Variants in DIAPH3 observed in about 807,000 individuals in gnomAD.
The protein encoded by DIAPH3 is diaphanous related formin 3, also known as protein diaphanous homolog 3.
Under a neutral mutation model 144.3 loss-of-function variants are expected in DIAPH3, and 117 were observed. The ratio of observed to expected loss-of-function variants is 0.81; its 90% CI spans 0.70 to 0.95. DIAPH3 has a LOEUF of 0.95. Ranked by LOEUF, DIAPH3 falls within the 40% of genes least tolerant of loss-of-function variation. The pLI, the probability that DIAPH3 is intolerant of heterozygous loss-of-function variation, is 0.00. For synonymous variants in DIAPH3, 519 were observed against 488.9 expected (o/e 1.06, Z -0.81); for missense variants, 1,421 against 1,412.7 (o/e 1.01, Z -0.09).
chr13:59,999,072 G>A (rs978079729), intron 9 of DIAPH3, among the ~76,000 whole-genome samples: 5 of 152,020 alleles, frequency 3.3e-5, no homozygotes, highest in Non-Finnish European at 5.9e-5. Flanking sequence ...AATAAAACCT[G>A]GGTAAACTTT....
rs147381610 is a variant in DIAPH3 at position 60,066,118 on chromosome 13, T to C, written c.496-23298A>G. ...ACTCAATAACATGAATCATAAGCAA[T>C]AAGCCATTCATTAAACATGAAAGTA... On this transcript the variant is annotated intron_variant, in intron 4 of 27. Transcript: ENST00000400324. 3.5e-3 allele frequency among the ~76,000 whole-genome samples: 540 copies of C among 152,222 alleles called. 2 individuals are homozygous for C. The highest frequency in any genetic ancestry group is 9.3e-3 in the South Asian group (45 of 4,822).
chr13:60,105,959 A>T (rs1255652730), intron 3 of DIAPH3, among the ~76,000 whole-genome samples: 2 of 152,184 alleles, frequency 1.3e-5, no homozygotes, highest in African/African-American at 4.8e-5. Flanking sequence ...GACCAAAGTA[A>T]TAGCTATGCA....
At position 59,937,019 on chromosome 13, in the gene DIAPH3, T is replaced by C. The variant is rs1424039137; in HGVS notation, c.2075-12149A>G. On this transcript the variant is annotated intron_variant, in intron 17 of 27. Coordinates refer to ENST00000400324, the MANE Select transcript of DIAPH3 (RefSeq NM_001042517.2). ...TCTACTAAAAATACAAAAAATTAGC[T>C]GGGCGTGGTGGCGGGTTCCTGTTGT... Among the ~76,000 whole-genome samples the C allele has an allele frequency of 3.3e-5, 5 of 151,912 alleles. No homozygotes were observed. The South Asian group carries it at 6.3e-4, about 19-fold the overall frequency.
intron 22 of DIAPH3, among the ~76,000 whole-genome samples, chr13:59,847,617 T>A (rs573146662): frequency 6.6e-6 from 1 of 152,310 alleles, no homozygotes; most frequent in East Asian, 1.9e-4. Context: ...ATAACAGAAA[T>A]GTTTAATAAC....
chr13:60,078,695 ATTATT>A (rs1298512015), intron 4 of DIAPH3, among the ~76,000 whole-genome samples: 2 of 151,958 alleles, frequency 1.3e-5, no homozygotes, highest in African/African-American at 2.4e-5. Flanking sequence ...ATATTAATAC[ATTATT>A]TTATTTATAT....
In DIAPH3 at chr13:59,741,482, C is replaced by T. The variant is rs145834012; in HGVS notation, c.3319+32707G>A. Among the ~76,000 whole-genome samples, 182 of 152,054 alleles carry T rather than the reference C, an allele frequency of 1.2e-3. 1 individual carries two copies. Among genetic ancestry groups the T allele is most frequent in the African/African-American group, 4.0e-3 (167 of 41,494 alleles). ...AGCAGTAAGAAAGTGGGGGGCCAGG[C>T]GCAGTGGCTCATGCCTGTGATCCTA... On this transcript the variant is annotated intron_variant, in intron 27 of 27. Transcript: ENST00000400324.
intron 15 of DIAPH3, among the ~76,000 whole-genome samples, chr13:59,972,880 TCA>T (rs60049595): frequency 0.24 from 36,329 of 151,928 alleles, 5,320 homozygotes; most frequent in Admixed American, 0.38. Flanking sequence ...AGGAATTAAA[TCA>T]CAGATAACAG....
intron 27 of DIAPH3, among the ~76,000 whole-genome samples, chr13:59,718,977 A>G (rs1276655281): frequency 2.0e-5 from 3 of 152,204 alleles, no homozygotes; most frequent in Non-Finnish European, 4.4e-5. Flanking sequence ...TAACCTGAAA[A>G]TAAACACAAT....
At chr13:59,870,062 T>C (rs1228881223) in intron 21 of DIAPH3, among the ~76,000 whole-genome samples, 4 of 152,066 alleles carry the variant, frequency 2.6e-5, no homozygotes, top group Non-Finnish European at 5.9e-5. Flanking sequence ...AAAGGTCACA[T>C]AGATTTTCTC....
intron 27 of DIAPH3, among the ~76,000 whole-genome samples, chr13:59,749,245 G>A (rs957043421): frequency 3.4e-5 from 5 of 146,194 alleles, no homozygotes; most frequent in African/African-American, 1.2e-4. Flanking sequence ...GTACGGCCGG[G>A]TGCAGTGGCT....
At chr13:59,682,374 T>G (rs955967363) in intron 27 of DIAPH3, among the ~76,000 whole-genome samples, 4 of 152,132 alleles carry the variant, frequency 2.6e-5, no homozygotes. Flanking sequence ...CAGGCTGGGG[T>G]GCAGTGGCAC....
chr13:60,158,921 A>C (rs907865264), intron 1 of DIAPH3, among the ~76,000 whole-genome samples: 7 of 151,406 alleles, frequency 4.6e-5, no homozygotes, highest in African/African-American at 1.5e-4. Flanking sequence ...AAAAAAAAAA[A>C]AAAAAAAAAA....
chr13:60,017,927 T>A (rs1163308224), intron 5 of DIAPH3, among the ~76,000 whole-genome samples: 3 of 152,180 alleles, frequency 2.0e-5, no homozygotes, highest in Non-Finnish European at 4.4e-5. Context: ...CTGTAGGCAT[T>A]TTGAATCTTG....
chr13:59,928,725 A>T (rs2047873464), intron 17 of DIAPH3, among the ~76,000 whole-genome samples: 1 of 152,122 alleles, frequency 6.6e-6, no homozygotes, highest in African/African-American at 2.4e-5. Context: ...CATAGTGATG[A>T]AGATGAAGAG....
At chr13:60,017,045 T>G (rs183495191) in intron 5 of DIAPH3, among the ~76,000 whole-genome samples, 282 of 152,356 alleles carry the variant, frequency 1.9e-3, no homozygotes, top group African/African-American at 6.5e-3. Context: ...TTTATTTGTA[T>G]GCCTGTACTT....
At chr13:60,112,290 G>C (rs2058590637) in intron 2 of DIAPH3, 104 bp from the exon 3 acceptor site, 2 of 1,353,622 alleles carry the variant, frequency 1.5e-6, no homozygotes, top group South Asian at 2.4e-5. Context: ...TGTTATCATT[G>C]TGATTTCATC....
At chr13:60,000,969 G>A (rs2052491479) in intron 9 of DIAPH3, among the ~76,000 whole-genome samples, 1 of 152,164 alleles carries the variant, frequency 6.6e-6, no homozygotes, top group East Asian at 1.9e-4. Context: ...GGTGACACTA[G>A]GAGATTTGTG....
intron 27 of DIAPH3, among the ~76,000 whole-genome samples, chr13:59,702,958 T>C (rs2034195580): frequency 6.6e-6 from 1 of 152,192 alleles, no homozygotes; most frequent in Non-Finnish European, 1.5e-5. Flanking sequence ...GAAGCCTGCC[T>C]TCATCTCTCC....
intron 4 of DIAPH3, among the ~76,000 whole-genome samples, chr13:60,070,811 A>G (rs146404874): frequency 6.4e-4 from 97 of 152,328 alleles, no homozygotes; most frequent in East Asian, 7.7e-4. Flanking sequence ...ATTATTTTCC[A>G]TTTTCACTAC....
Sources: allele counts gnomAD v4.1 joint callset (sites outside exome capture counted in the v4.1 genomes callset), GRCh38; gene constraint gnomAD v4.1.1; transcripts MANE v1.5; gene names NCBI Gene and HGNC (gene_info 2026-07-23, HGNC 2026-07-21).